Variants in FAM193A observed in about 807,000 individuals in gnomAD.
FAM193A encodes protein FAM193A.
Under a neutral mutation model 126.5 loss-of-function variants are expected in FAM193A, and 22 were observed. The ratio of observed to expected loss-of-function variants is 0.17; its 90% CI spans 0.12 to 0.25. The LOEUF is 0.25. FAM193A is among the 10% of genes least tolerant of loss of function. FAM193A has a pLI of 1.00. For synonymous variants in FAM193A, 761 were observed against 646.8 expected (o/e 1.18, Z -2.68); for missense variants, 1,675 against 1,672.8 (o/e 1.00, Z -0.02).
At chr4:2,570,129 A>G (rs766004715) in intron 1 of FAM193A, among the ~76,000 whole-genome samples, 6 of 147,134 alleles carry the variant, frequency 4.1e-5, no homozygotes, top group Admixed American at 2.0e-4. Context: ...CTGAACTGCT[A>G]AATAGCCCAA....
intron 19 of FAM193A, among the ~76,000 whole-genome samples, chr4:2,704,602 G>A (rs1236977694): frequency 6.6e-6 from 1 of 152,080 alleles, no homozygotes; most frequent in Non-Finnish European, 1.5e-5. Context: ...AAAGGTAAGT[G>A]CTTTCATAGT....
At chr4:2,636,310 G>T (rs1373175138) in intron 5 of FAM193A, among the ~76,000 whole-genome samples, 1 of 152,092 alleles carries the variant, frequency 6.6e-6, no homozygotes, top group Non-Finnish European at 1.5e-5. Context: ...TGATTCGCCT[G>T]CCTTAGCCTC....
At chr4:2,570,421 C>G (rs749538712) in intron 1 of FAM193A, among the ~76,000 whole-genome samples, 1 of 152,158 alleles carries the variant, frequency 6.6e-6, no homozygotes, top group Non-Finnish European at 1.5e-5. Flanking sequence ...CTGCAGTGAG[C>G]TTTGGTGACA....
At chr4:2,617,272 T>A (rs1742265382) in intron 2 of FAM193A, among the ~76,000 whole-genome samples, 1 of 43,288 alleles carries the variant, frequency 2.3e-5, no homozygotes, top group South Asian at 7.4e-4. Context: ...ATTTTTTTTT[T>A]TTTTTTTTTT....
At chr4:2,672,736 T>C (rs1713964108) in intron 13 of FAM193A, among the ~76,000 whole-genome samples, 1 of 152,176 alleles carries the variant, frequency 6.6e-6, no homozygotes, top group Non-Finnish European at 1.5e-5. Flanking sequence ...ATTTGATAGG[T>C]AAAATAATGT....
chr4:2,657,941 A>G (rs1711912650), intron 8 of FAM193A, 61 bp downstream of exon 8: 1 of 1,124,158 alleles, frequency 8.9e-7, no homozygotes, highest in East Asian at 2.4e-5. Context: ...ACAGCAAATG[A>G]CTTCTCTGCA....
At chr4:2,693,146 G>A (rs1187423445) in intron 15 of FAM193A, among the ~76,000 whole-genome samples, 3 of 152,054 alleles carry the variant, frequency 2.0e-5, no homozygotes, top group Non-Finnish European at 4.4e-5. Context: ...AGCCTCCCGC[G>A]TAGCTGGGAC....
rs1717579189 is a variant in FAM193A at position 2,700,379 on chromosome 4, C to T, written c.4207C>T (p.Leu1403=). ...VNSNNNNKKQ[L]NHIKDEKSNP... is the part of the protein sequence containing the mutation. ...CAGTAATAACAATAACAAAAAGCAGCTGAACCACATCAAGGACGAAAAGTC... is the reference window on the plus strand; with the variant it reads ...CAGTAATAACAATAACAAAAAGCAGTTGAACCACATCAAGGACGAAAAGTC... The change falls in exon 19 of 21, where the codon CTG becomes TTG. Residue 1403 remains leucine, a synonymous_variant. Coordinates refer to ENST00000637812, the MANE Select transcript of FAM193A (RefSeq NM_001366318.2). 6.2e-7 allele frequency: 1 copy of T among 1,614,142 alleles called. No homozygotes were observed. The highest frequency in any genetic ancestry group is 8.5e-7 in the Non-Finnish European group (1 of 1,180,030).
chr4:2,707,128 CA>C (rs1006946212), intron 19 of FAM193A, among the ~76,000 whole-genome samples: 6 of 146,272 alleles, frequency 4.1e-5, no homozygotes, highest in Admixed American at 6.8e-5. Context: ...TCTCCCCCCA[CA>C]AAAAAAAAAG....
In FAM193A at chr4:2,694,989, G is replaced by C. The variant is rs376387769; in HGVS notation, c.3136G>C (p.Asp1046His). 1 of 1,606,142 alleles carries C rather than the reference G, an allele frequency of 6.2e-7. No individual in the cohort carries two copies. Residue 1046 changes from aspartate (D) to histidine (H), a missense_variant, in exon 17 of 21, where the codon GAC becomes CAC. By Grantham distance (81) the Asp-to-His change is moderately conservative. This residue lies in a region of FAM193A where 1,186 missense variants were observed against 1,109.2 expected (regional missense o/e 1.07). Transcript: ENST00000637812. ...EGHRCENGVYDPQQDDGDESA... is the reference protein window; with the variant it reads ...EGHRCENGVYHPQQDDGDESA... Reference sequence around the variant, plus strand: ...GCACCGCTGCGAGAATGGTGTCTACGACCCACAGCAGGATGATGGGGACGA... The same window carrying C: ...GCACCGCTGCGAGAATGGTGTCTACCACCCACAGCAGGATGATGGGGACGA...
chr4:2,543,141 G>T (rs1185066508), intron 1 of FAM193A, among the ~76,000 whole-genome samples: 2 of 151,206 alleles, frequency 1.3e-5, no homozygotes, highest in Non-Finnish European at 2.9e-5. Context: ...AGGCTGGAGT[G>T]CCCTGGCGCA....
At chr4:2,710,913 G>T (rs930800247) in intron 19 of FAM193A, among the ~76,000 whole-genome samples, 3 of 142,374 alleles carry the variant, frequency 2.1e-5, no homozygotes, top group African/African-American at 7.9e-5. Context: ...GTGCAGTGGT[G>T]TGATCTTGGC....
chr4:2,660,080 T>C (rs765538883), intron 10 of FAM193A, 26 bp downstream of exon 10: 2 of 1,608,818 alleles, frequency 1.2e-6, no homozygotes, highest in Non-Finnish European at 1.7e-6. Flanking sequence ...GTAATAAAGT[T>C]TCCGAAATTT....
intron 1 of FAM193A, among the ~76,000 whole-genome samples, chr4:2,553,029 G>A (rs1021471427): frequency 6.6e-6 from 1 of 151,820 alleles, no homozygotes; most frequent in South Asian, 2.1e-4. Context: ...TTGTATTTTA[G>A]TGGAGTCAGG....
At chr4:2,700,807 CA>C (rs11355964) in intron 19 of FAM193A, among the ~76,000 whole-genome samples, 56,138 of 151,150 alleles carry the variant, frequency 0.37, 10,972 homozygotes, top group Admixed American at 0.54. Context: ...CTAAAAATAA[CA>C]AAAAAAAATT....
intron 20 of FAM193A, chr4:2,720,061 C>T (rs1328015476): frequency 3.6e-5 from 6 of 167,786 alleles, no homozygotes; most frequent in African/African-American, 1.4e-4. Context: ...TCCCAAAGCG[C>T]CAGAATTACA....
At chr4:2,618,848 G>A (rs890168011) in intron 2 of FAM193A, among the ~76,000 whole-genome samples, 4 of 151,870 alleles carry the variant, frequency 2.6e-5, no homozygotes, top group Admixed American at 2.6e-4. Flanking sequence ...GCCCACCCTC[G>A]GCCTCCCAAA....
At chr4:2,627,159 C>CTTTT (rs11385994) in intron 4 of FAM193A, among the ~76,000 whole-genome samples, 6 of 126,302 alleles carry the variant, frequency 4.8e-5, no homozygotes, top group Admixed American at 8.9e-5. Flanking sequence ...TTTGATGTAA[C>CTTTT]TTTTTTTTTT....
In FAM193A at chr4:2,646,841, C is replaced by T. The variant is rs759918163; in HGVS notation, c.1311+9C>T. 1.2e-6 allele frequency: 2 copies of T among 1,607,262 alleles called. No homozygotes were observed. The highest frequency in any genetic ancestry group is 2.2e-5 in the South Asian group (2 of 89,988). Reference sequence around the variant, plus strand: ...CCTATGTCGACGAGCAGGTGAGTGCCACCCGGGACCACCGCACCCCGCGCA... The same window carrying T: ...CCTATGTCGACGAGCAGGTGAGTGCTACCCGGGACCACCGCACCCCGCGCA... On this transcript the variant is annotated intron_variant, in intron 7 of 20. Transcript: ENST00000637812.
Sources: allele counts gnomAD v4.1 joint callset (sites outside exome capture counted in the v4.1 genomes callset), GRCh38; gene constraint gnomAD v4.1.1; regional missense constraint gnomAD v4.1.1; transcripts MANE v1.5; gene names NCBI Gene and HGNC (gene_info 2026-07-23, HGNC 2026-07-21).